The following POU2F2 variants were observed in gnomAD, a reference collection of about 807,000 sequenced individuals.
POU2F2 encodes POU class 2 homeobox 2.
POU2F2 carries 14 observed loss-of-function variants against 63.5 expected under a neutral mutation model. That is an observed-to-expected ratio of 0.22 (90% CI 0.15 to 0.34). The LOEUF is 0.34. Among genes scored for constraint, POU2F2 ranks in the 10% least tolerant of loss-of-function variants. The pLI is 1.00. For synonymous variants in POU2F2, 306 were observed against 348.6 expected (o/e 0.88, Z 1.36); for missense variants, 607 against 815.2 (o/e 0.74, Z 3.11).
intron 1 of POU2F2, among the ~76,000 whole-genome samples, chr19:42,192,122 A>G (rs1017568381): frequency 6.6e-6 from 1 of 152,204 alleles, no homozygotes; most frequent in Non-Finnish European, 1.5e-5. Context: ...AGTGGGATGA[A>G]GGTCACCAGA....
intron 5 of POU2F2, among the ~76,000 whole-genome samples, chr19:42,106,895 G>A (rs1014803987): frequency 6.6e-6 from 1 of 151,908 alleles, no homozygotes; most frequent in Non-Finnish European, 1.5e-5. Context: ...GCATGGTGGT[G>A]CATGCCTGTG....
At chr19:42,154,198 G>A (rs993540252) in intron 2 of POU2F2, among the ~76,000 whole-genome samples, 8 of 152,090 alleles carry the variant, frequency 5.3e-5, no homozygotes, top group African/African-American at 1.2e-4. Context: ...GGAAAAAAAG[G>A]GGGGGACAGG....
At position 42,092,133 on chromosome 19, in the gene POU2F2, T is replaced by G. The variant is rs757726465; in HGVS notation, c.1402A>C (p.Thr468Pro). The stretch of plus-strand genomic sequence containing the variant: ...TGGCTGCCTTGAGGGCTGGGGTTTG[T>G]GCTGTTGGTGGTGGCCGGGGGTGGG... ...TPPPPATTNS[T>P]NPSPQGSHSA... The change falls in exon 13 of 15, where the codon ACA becomes CCA. Residue 468 changes from threonine to proline, a missense_variant. Coordinates refer to ENST00000692977, the MANE Select transcript of POU2F2 (RefSeq NM_001394376.1). This position sits in a 1 kb window ranked among gnomAD's most constrained non-coding sequence, Gnocchi z 5.0. The G allele has an allele frequency of 6.4e-6, 10 of 1,562,418 alleles. No homozygotes were observed. The East Asian group carries it at 2.3e-4, about 36-fold the overall frequency.
At chr19:42,182,289 C>G (rs1341960972) in intron 1 of POU2F2, among the ~76,000 whole-genome samples, 4 of 127,506 alleles carry the variant, frequency 3.1e-5, no homozygotes, top group Non-Finnish European at 6.7e-5. Context: ...AGACCTGGAA[C>G]TGGAACTGGA....
chr19:42,195,044 A>AG (rs2035120407), intron 1 of POU2F2, among the ~76,000 whole-genome samples: 1 of 60,936 alleles, frequency 1.6e-5, no homozygotes, highest in Non-Finnish European at 3.3e-5. Context: ...GGAGGGAGGG[A>AG]GGAAGGAAGG....
chr19:42,197,207 G>A (rs1029933502), upstream of POU2F2, among the ~76,000 whole-genome samples: 4 of 152,276 alleles, frequency 2.6e-5, no homozygotes, highest in South Asian at 8.3e-4. Context: ...CTGTCACTAA[G>A]GTACTCTCCA....
At chr19:42,142,993 G>T (rs2034159882) in intron 2 of POU2F2, among the ~76,000 whole-genome samples, 1 of 152,152 alleles carries the variant, frequency 6.6e-6, no homozygotes, top group Non-Finnish European at 1.5e-5. Flanking sequence ...GTTTGGAAAG[G>T]GACACACGGG....
At chr19:42,112,064 T>C (rs753230169) in intron 5 of POU2F2, among the ~76,000 whole-genome samples, 1 of 152,208 alleles carries the variant, frequency 6.6e-6, no homozygotes, top group Non-Finnish European at 1.5e-5. Context: ...TGCTACCTTA[T>C]GCTAAAATTC....
chr19:42,174,575 C>A (rs1213094214), intron 1 of POU2F2, among the ~76,000 whole-genome samples: 1 of 152,050 alleles, frequency 6.6e-6, no homozygotes, highest in Non-Finnish European at 1.5e-5. Flanking sequence ...CCCAACCCCC[C>A]ACTGAAAACA....
At chr19:42,157,339 C>T (rs1248127281) in intron 2 of POU2F2, 2 of 152,296 alleles carry the variant, frequency 1.3e-5, no homozygotes, top group Non-Finnish European at 2.9e-5. Flanking sequence ...TCCCCTAACC[C>T]AGCATCCTGC....
chr19:42,195,103 GAGGGAGGGAGGGAGGAACGA>G (rs2035125154), intron 1 of POU2F2, among the ~76,000 whole-genome samples: 1 of 61,430 alleles, frequency 1.6e-5, no homozygotes, highest in Admixed American at 1.6e-4. Context: ...GGAAGGAAGG[GAGGGAGGGAGGGAGGAACGA>G]AGAGAGGGAG....
At chr19:42,195,987 C>T (rs948435837) in intron 1 of POU2F2, among the ~76,000 whole-genome samples, 2 of 152,150 alleles carry the variant, frequency 1.3e-5, no homozygotes, top group African/African-American at 4.8e-5. Flanking sequence ...ACCATGTTGG[C>T]CAGGCTGGTC....
chr19:42,151,073 C>T (rs933326391), intron 2 of POU2F2, among the ~76,000 whole-genome samples: 1 of 152,250 alleles, frequency 6.6e-6, no homozygotes, highest in African/African-American at 2.4e-5. Flanking sequence ...TGGCCCCCTG[C>T]TCACTCCCGG....
chr19:42,146,794 C>T (rs1332855450), intron 2 of POU2F2, among the ~76,000 whole-genome samples: 1 of 152,230 alleles, frequency 6.6e-6, no homozygotes, highest in Non-Finnish European at 1.5e-5. Flanking sequence ...TTCCTGCAGC[C>T]TCCTAGGGAA....
At chr19:42,094,433 C>T (rs1026593748) in intron 11 of POU2F2, among the ~76,000 whole-genome samples, 1 of 152,114 alleles carries the variant, frequency 6.6e-6, no homozygotes, top group East Asian at 1.9e-4. Context: ...TCTTGGCCAC[C>T]CCACCTCCAG....
At chr19:42,102,091 A>G (rs1160831017) in intron 5 of POU2F2, among the ~76,000 whole-genome samples, 3 of 152,202 alleles carry the variant, frequency 2.0e-5, no homozygotes, top group African/African-American at 7.2e-5. Flanking sequence ...ATGTACTACA[A>G]TGTTCACGTG....
At chr19:42,138,900 C>T (rs1454213715) in intron 2 of POU2F2, among the ~76,000 whole-genome samples, 2 of 152,176 alleles carry the variant, frequency 1.3e-5, no homozygotes, top group Non-Finnish European at 1.5e-5. Context: ...TTAACAAATT[C>T]ACATGGATAC....
At chr19:42,157,890 AGCATAG>A (rs1206267500) in intron 2 of POU2F2, among the ~76,000 whole-genome samples, 1 of 152,038 alleles carries the variant, frequency 6.6e-6, no homozygotes, top group Non-Finnish European at 1.5e-5. Flanking sequence ...GTCACACGGG[AGCATAG>A]GCAGCAGAGG....
In POU2F2 at chr19:42,091,138, C is replaced by G; in HGVS notation, c.*119G>C. The G allele has an allele frequency of 1.5e-6, 1 of 676,696 alleles. No individual in the cohort carries two copies. The highest frequency in any genetic ancestry group is 2.1e-6 in the Non-Finnish European group (1 of 487,484). 41.9% of individuals were successfully genotyped at this position (676,696 alleles called of 1,614,324 possible). ...GTTGGTTGTTTTTTTGGTCTTTCCT[C>G]CCTTGTCACTCCTGCTCTGAGGACC... On this transcript the variant is annotated 3_prime_UTR_variant, in exon 15 of 15. Coordinates refer to ENST00000692977, the MANE Select transcript of POU2F2 (RefSeq NM_001394376.1).
Sources: allele counts gnomAD v4.1 joint callset (sites outside exome capture counted in the v4.1 genomes callset), GRCh38; gene constraint gnomAD v4.1.1; non-coding constraint Gnocchi (gnomAD v3.1); transcripts MANE v1.5; gene names NCBI Gene and HGNC (gene_info 2026-07-23, HGNC 2026-07-21).